SEMA6A: variants seen among roughly 807,000 people sequenced by gnomAD.
SEMA6A encodes the protein semaphorin-6A.
A neutral mutation model predicts 96.8 loss-of-function variants in SEMA6A; 25 were observed. The ratio of observed to expected loss-of-function variants is 0.26; its 90% CI spans 0.19 to 0.36. The LOEUF is 0.36. SEMA6A is among the 10% of genes least tolerant of loss of function. SEMA6A has a pLI of 1.00. For missense variants in SEMA6A, 1,363 were observed against 1,323.1 expected, an observed-to-expected ratio of 1.03 and a Z score of -0.47; for synonymous variants, 612 against 518.0, an observed-to-expected ratio of 1.18 and a Z score of -2.46.
intron 1 of SEMA6A, among the ~76,000 whole-genome samples, chr5:116,541,718 A>G (rs1212464675): frequency 6.6e-6 from 1 of 152,164 alleles, no homozygotes; most frequent in Non-Finnish European, 1.5e-5. Context: ...CTGTAATCCC[A>G]GCTACTCAGG....
intron 18 of SEMA6A, among the ~76,000 whole-genome samples, chr5:116,452,508 G>T (rs1754704389): frequency 6.6e-6 from 1 of 151,054 alleles, no homozygotes; most frequent in Non-Finnish European, 1.5e-5. Context: ...AGAGTCCAAA[G>T]CAATGAAAAG....
chr5:116,533,793 C>G (rs546908810), intron 1 of SEMA6A, among the ~76,000 whole-genome samples: 4 of 152,284 alleles, frequency 2.6e-5, no homozygotes, highest in Non-Finnish European at 5.9e-5. Flanking sequence ...CTGGGGCCAG[C>G]AGCCCTCACC....
chr5:116,452,263 G>C (rs1754685932), intron 18 of SEMA6A, among the ~76,000 whole-genome samples: 1 of 152,178 alleles, frequency 6.6e-6, no homozygotes, highest in Admixed American at 6.5e-5. Context: ...CCTTTGCATT[G>C]ATTCATTAAC....
intron 1 of SEMA6A, among the ~76,000 whole-genome samples, chr5:116,509,576 G>C (rs1758308641): frequency 6.7e-6 from 1 of 149,862 alleles, no homozygotes; most frequent in Admixed American, 6.7e-5. Context: ...AAGGGATTCT[G>C]CCCCAGTGAA....
Position 116,447,794 on chromosome 5 carries a change from A to G in SEMA6A, c.1912T>C (p.Tyr638His). ...ACCAGCTGGTCGTGGCCTTTGAGGT[A>G]ACTTTCCCGAATCACTCCTGCAATA... ...QDKKGVIRESYLKGHDQLVPV... is the reference protein window; with the variant it reads ...QDKKGVIRESHLKGHDQLVPV... The change falls in exon 19 of 19, where the codon TAC becomes CAC. Residue 638 changes from tyrosine (Y) to histidine (H), a missense_variant. Coordinates refer to ENST00000343348, the MANE Select transcript of SEMA6A (RefSeq NM_020796.5). 1 of 1,598,898 alleles carries G rather than the reference A, an allele frequency of 6.3e-7. No individual in the cohort carries two copies. The highest frequency in any genetic ancestry group is 8.6e-7 in the Non-Finnish European group (1 of 1,169,246).
At chr5:116,497,846 A>C (rs564736217) in intron 3 of SEMA6A, among the ~76,000 whole-genome samples, 18 of 152,350 alleles carry the variant, frequency 1.2e-4, no homozygotes, top group African/African-American at 4.3e-4. Flanking sequence ...TCTCTTTTGA[A>C]AATATATTTC....
At chr5:116,512,773 G>A (rs1758476805) in intron 1 of SEMA6A, among the ~76,000 whole-genome samples, 1 of 151,908 alleles carries the variant, frequency 6.6e-6, no homozygotes, top group Admixed American at 6.6e-5. Flanking sequence ...ACTTTACTTG[G>A]ATGTTTCAGA....
intron 1 of SEMA6A, among the ~76,000 whole-genome samples, chr5:116,542,262 T>G (rs1189175825): frequency 1.3e-5 from 2 of 152,208 alleles, no homozygotes; most frequent in Non-Finnish European, 1.5e-5. Context: ...CTACCATAAC[T>G]GATCAATATT....
intron 3 of SEMA6A, among the ~76,000 whole-genome samples, chr5:116,500,870 G>T (rs538945852): frequency 6.6e-6 from 1 of 152,242 alleles, no homozygotes; most frequent in East Asian, 1.9e-4. Context: ...GCTGGGCGTG[G>T]TGGCGGGCAC....
chr5:116,461,808 T>C (rs975747452), intron 18 of SEMA6A, among the ~76,000 whole-genome samples: 1 of 152,206 alleles, frequency 6.6e-6, no homozygotes, highest in Non-Finnish European at 1.5e-5. Context: ...CTGTGTTCCA[T>C]CTGTCTGGTG....
At chr5:116,517,679 T>G (rs1284073613) in intron 1 of SEMA6A, among the ~76,000 whole-genome samples, 1 of 152,112 alleles carries the variant, frequency 6.6e-6, no homozygotes, top group African/African-American at 2.4e-5. Flanking sequence ...CCAGAGCAGA[T>G]GTAATCTTGG....
At chr5:116,477,690 T>A (rs1756527390) in intron 15 of SEMA6A, among the ~76,000 whole-genome samples, 156 bp downstream of exon 15, 1 of 152,212 alleles carries the variant, frequency 6.6e-6, no homozygotes, top group Non-Finnish European at 1.5e-5. Context: ...TGAGGCTCTA[T>A]GAAATGGGAA....
chr5:116,492,899 G>A (rs751616509), intron 6 of SEMA6A, among the ~76,000 whole-genome samples: 3 of 152,140 alleles, frequency 2.0e-5, no homozygotes, highest in East Asian at 1.9e-4. Context: ...AGAAGCTGTC[G>A]TTTTCCCTGC....
chr5:116,500,708 C>T (rs1454550597), intron 3 of SEMA6A, among the ~76,000 whole-genome samples: 1 of 151,928 alleles, frequency 6.6e-6, no homozygotes, highest in Non-Finnish European at 1.5e-5. Flanking sequence ...CAGATAGAAA[C>T]GATCTCCAAT....
chr5:116,558,452 T>TAAA (rs1409326275), intron 1 of SEMA6A, among the ~76,000 whole-genome samples: 27 of 36,514 alleles, frequency 7.4e-4, no homozygotes, highest in South Asian at 2.3e-3. Flanking sequence ...AGGATTCTTT[T>TAAA]TTTTTTTTTT....
In SEMA6A at chr5:116,447,028, G is replaced by T. The variant is rs769122288; in HGVS notation, c.2678C>A (p.Ala893Asp). Residue 893 changes from alanine (A) to aspartate (D), a missense_variant, in exon 19 of 19, where the codon GCC becomes GAC. Around this residue, in one of 2 missense-constraint regions of SEMA6A, gnomAD observed 883 missense variants for 763.6 expected, o/e 1.16. Transcript: ENST00000343348. ...GCTTAGACCGGTCTGAGACAGGGAG[G>T]CTCCCGGGGGACCCAGGGAGGCCTC... Reference protein sequence around the residue: ...QREASLGPPGASLSQTGLSKR... With the variant: ...QREASLGPPGDSLSQTGLSKR... 1.2e-6 allele frequency: 2 copies of T among 1,613,886 alleles called. No individual in the cohort carries two copies. The highest frequency in any genetic ancestry group is 1.7e-6 in the Non-Finnish European group (2 of 1,179,872).
chr5:116,497,491 T>A, intron 3 of SEMA6A, 104 bp from the exon 4 acceptor site: 1 of 622,446 alleles, frequency 1.6e-6, no homozygotes, highest in Non-Finnish European at 2.8e-6. Flanking sequence ...CCCATATCCA[T>A]GTTCATGATA....
At chr5:116,555,663 A>AC (rs1209788849) in intron 1 of SEMA6A, among the ~76,000 whole-genome samples, 66 of 146,920 alleles carry the variant, frequency 4.5e-4, no homozygotes, top group African/African-American at 1.5e-3. Flanking sequence ...ACATGGCAAG[A>AC]CCCCCCCTCA....
intron 1 of SEMA6A, among the ~76,000 whole-genome samples, chr5:116,512,356 T>C (rs1420078070): frequency 6.6e-6 from 1 of 152,172 alleles, no homozygotes; most frequent in Non-Finnish European, 1.5e-5. Flanking sequence ...CATCTGGTCT[T>C]TCTTTCCTCC....
Sources: allele counts gnomAD v4.1 joint callset (sites outside exome capture counted in the v4.1 genomes callset), GRCh38; gene constraint gnomAD v4.1.1; regional missense constraint gnomAD v4.1.1; transcripts MANE v1.5; gene names NCBI Gene and HGNC (gene_info 2026-07-23, HGNC 2026-07-21).